Variants in SOX5 observed in about 807,000 individuals in gnomAD.
SOX5 encodes the protein transcription factor SOX-5.
Under a neutral mutation model 92.0 loss-of-function variants are expected in SOX5, and 9 were observed. The ratio of observed to expected loss-of-function variants is 0.10; its 90% CI spans 0.06 to 0.17. The LOEUF (loss-of-function observed/expected upper bound fraction) is 0.17, where lower values mean the gene tolerates loss of function less well. Among genes scored for constraint, SOX5 ranks in the 10% least tolerant of loss-of-function variants. The pLI, the probability that SOX5 is intolerant of heterozygous loss-of-function variation, is 1.00. For synonymous variants in SOX5, 344 were observed against 336.3 expected (o/e 1.02, Z -0.25); for missense variants, 642 against 944.5 (o/e 0.68, Z 4.20).
chr12:23,716,689 C>T (rs2140466076), intron 6 of SOX5, among the ~76,000 whole-genome samples: 1 of 152,058 alleles, frequency 6.6e-6, no homozygotes. Context: ...CTTATAAGGC[C>T]CTCTTATATC....
intron 1 of SOX5, among the ~76,000 whole-genome samples, chr12:24,513,932 C>T (rs2138358255): frequency 6.6e-6 from 1 of 152,280 alleles, no homozygotes; most frequent in Non-Finnish European, 1.5e-5. Flanking sequence ...CTAGACAGCT[C>T]TAATTTTGGG....
intron 5 of SOX5, among the ~76,000 whole-genome samples, chr12:23,738,858 C>A (rs900771987): frequency 1.3e-5 from 2 of 152,066 alleles, no homozygotes; most frequent in Admixed American, 1.3e-4. Flanking sequence ...CTGTTACAGG[C>A]AAGCATTCTG....
chr12:23,949,742 C>G (rs1945247793), upstream of SOX5: 37 of 1,090,060 alleles, frequency 3.4e-5, no homozygotes, highest in South Asian at 3.7e-4. Context: ...CTCTCTCTCT[C>G]TCTCTCTCTC....
intron 4 of SOX5, among the ~76,000 whole-genome samples, chr12:24,088,623 G>A (rs1160533042): frequency 6.6e-6 from 1 of 151,488 alleles, no homozygotes; most frequent in Non-Finnish European, 1.5e-5. Context: ...GCTCATTTTA[G>A]TCTTTTCTTT....
At chr12:23,603,631 C>T (rs1185445367) in intron 9 of SOX5, among the ~76,000 whole-genome samples, 1 of 151,462 alleles carries the variant, frequency 6.6e-6, no homozygotes, top group African/African-American at 2.4e-5. Flanking sequence ...ATCATTTAAG[C>T]AAGATCTTAA....
At chr12:24,120,465 T>G (rs1459558715) in intron 4 of SOX5, among the ~76,000 whole-genome samples, 1 of 152,210 alleles carries the variant, frequency 6.6e-6, no homozygotes, top group African/African-American at 2.4e-5. Context: ...TAAAAGTGCT[T>G]TTGGTATCTA....
chr12:23,965,572 G>A (rs1228185197), intron 4 of SOX5, among the ~76,000 whole-genome samples: 2 of 152,092 alleles, frequency 1.3e-5, no homozygotes, highest in African/African-American at 4.8e-5. Flanking sequence ...CTCCACAAAC[G>A]TTCAGACCTA....
chr12:24,080,632 T>C (rs1366038633), intron 4 of SOX5, among the ~76,000 whole-genome samples: 2 of 151,990 alleles, frequency 1.3e-5, no homozygotes, highest in East Asian at 3.9e-4. Context: ...TTCCAATGTT[T>C]GAAGATCTGC....
chr12:23,736,781 C>G (rs1393897414), intron 5 of SOX5, among the ~76,000 whole-genome samples: 1 of 151,322 alleles, frequency 6.6e-6, no homozygotes, highest in African/African-American at 2.4e-5. Flanking sequence ...ACCACCGCCT[C>G]CTGAGTTCAA....
At chr12:24,333,860 A>C (rs1043974489) in intron 2 of SOX5, among the ~76,000 whole-genome samples, 3 of 151,610 alleles carry the variant, frequency 2.0e-5, no homozygotes, top group African/African-American at 7.2e-5. Flanking sequence ...TTAAAAAAAA[A>C]AAAAAAAAGG....
At position 23,761,363 on chromosome 12, in the gene SOX5, T is replaced by G. The variant is rs543047888; in HGVS notation, c.482-5639A>C. On this transcript the variant is annotated intron_variant, in intron 3 of 14. Coordinates refer to ENST00000451604, the MANE Select transcript of SOX5 (RefSeq NM_006940.6). ...AATTAACACTAAACAAATTTATATTTCCTCTCTACAAGATTTAGATCATTT... is the reference window on the plus strand; with the variant it reads ...AATTAACACTAAACAAATTTATATTGCCTCTCTACAAGATTTAGATCATTT... Among the ~76,000 whole-genome samples, 5 of 152,252 alleles carry G rather than the reference T, an allele frequency of 3.3e-5. No individual in the cohort carries two copies. In the South Asian group the frequency reaches 1.0e-3, roughly 32 times the overall value.
intron 6 of SOX5, among the ~76,000 whole-genome samples, chr12:23,730,919 G>C (rs1244892312): frequency 6.6e-6 from 1 of 152,184 alleles, no homozygotes; most frequent in East Asian, 1.9e-4. Context: ...AAAACATTAT[G>C]CCGGGGTGTG....
intron 1 of SOX5, among the ~76,000 whole-genome samples, chr12:24,424,808 T>A (rs6487387): frequency 1.4e-5 from 2 of 138,440 alleles, no homozygotes; most frequent in Admixed American, 7.5e-5. Flanking sequence ...GTTTTTTTTT[T>A]GGGGGGGGGG....
At chr12:24,179,118 CAT>C (rs1955172562) in intron 4 of SOX5, among the ~76,000 whole-genome samples, 1 of 152,144 alleles carries the variant, frequency 6.6e-6, no homozygotes, top group South Asian at 2.1e-4. Context: ...GAAACTAAAA[CAT>C]AACTAACTGA....
intron 4 of SOX5, among the ~76,000 whole-genome samples, chr12:24,127,819 G>A (rs1281179624): frequency 1.3e-5 from 2 of 152,170 alleles, no homozygotes; most frequent in East Asian, 1.9e-4. Context: ...AGAGAAGTGA[G>A]TGCATTAGAG....
chr12:24,194,328 C>G (rs966411129), intron 4 of SOX5, among the ~76,000 whole-genome samples: 1 of 152,036 alleles, frequency 6.6e-6, no homozygotes, highest in Non-Finnish European at 1.5e-5. Flanking sequence ...TGATGAAATA[C>G]TCAACCAGCT....
At chr12:23,795,297 T>C (rs983552290) in intron 3 of SOX5, among the ~76,000 whole-genome samples, 3 of 151,802 alleles carry the variant, frequency 2.0e-5, no homozygotes, top group African/African-American at 4.8e-5. Flanking sequence ...GATGGACTTG[T>C]ATAAGATTTT....
intron 1 of SOX5, among the ~76,000 whole-genome samples, chr12:24,516,156 C>A (rs754432816): frequency 6.6e-6 from 1 of 151,858 alleles, no homozygotes; most frequent in African/African-American, 2.4e-5. Context: ...GATCCTCCCA[C>A]CTCAACCTCC....
intron 5 of SOX5, among the ~76,000 whole-genome samples, chr12:23,735,864 C>G (rs2093571901): frequency 6.6e-6 from 1 of 152,146 alleles, no homozygotes; most frequent in African/African-American, 2.4e-5. Flanking sequence ...CATGCTGTGA[C>G]TTTATATTTG....
Sources: gnomAD v4.1 joint callset for allele counts (sites outside exome capture counted in the v4.1 genomes callset) on GRCh38, gnomAD v4.1.1 for gene constraint, MANE v1.5 for transcripts, NCBI Gene and HGNC (gene_info 2026-07-23, HGNC 2026-07-21) for gene names.